The following ME1 variants were observed in gnomAD, a reference collection of about 807,000 sequenced individuals.
The protein encoded by ME1 is NADP-dependent malic enzyme.
ME1 carries 74 observed loss-of-function variants against 66.4 expected under a neutral mutation model. The ratio of observed to expected loss-of-function variants is 1.11; its 90% confidence interval spans 0.92 to 1.35. The LOEUF (loss-of-function observed/expected upper bound fraction) is 1.35. Ranked by LOEUF, ME1 falls within the 40% of genes most tolerant of loss-of-function variation. The pLI is 0.00. For synonymous variants in ME1, 251 were observed against 235.6 expected, an observed-to-expected ratio of 1.07 and a Z score of -0.60; for missense variants, 750 against 694.1, an observed-to-expected ratio of 1.08 and a Z score of -0.90.
chr6:83,332,486 C>T (rs546359144), intron 5 of ME1, among the ~76,000 whole-genome samples: 51 of 152,200 alleles, frequency 3.4e-4, no homozygotes, highest in Non-Finnish European at 5.0e-4. Flanking sequence ...TCCACAATTG[C>T]GAAGATATGA....
chr6:83,346,250 C>A lies in ME1; in HGVS notation c.523G>T (p.Ala175Ser). Reference protein sequence around the residue: ...NGMGIPVGKLALYTACGGMNP... With the variant: ...NGMGIPVGKLSLYTACGGMNP... ...ATCCCTCCGCAAGCTGTATATAGAG[C>A]CAATTTACCCACAGGGATGCCCATT... Residue 175 changes from alanine (A) to serine (S), a missense_variant, in exon 5 of 14, where the codon GCT (alanine) becomes TCT (serine). Ala to Ser is a moderately conservative substitution (Grantham distance 99, BLOSUM62 1). Coordinates refer to ENST00000369705, the MANE Select transcript of ME1 (RefSeq NM_002395.6). 6.2e-7 allele frequency: 1 copy of A among 1,613,446 alleles called. No individual in the cohort carries two copies. Among genetic ancestry groups the A allele is most frequent in the Non-Finnish European group, 8.5e-7 (1 of 1,179,564 alleles).
rs560881304 is a variant in ME1 at position 83,394,875 on chromosome 6, T to C, written c.362+3492A>G. Among the ~76,000 whole-genome samples, 12 of 152,310 alleles carry C rather than the reference T, an allele frequency of 7.9e-5. 1 individual carries two copies. In the South Asian group the frequency reaches 2.5e-3, roughly 32 times the overall value. ...GTAGTGCTAGAAAAATTGTGTTCTA[T>C]ATTTTATGCATCTCAAAGGTGACTA... is the stretch of plus-strand genomic sequence containing the variant. On this transcript the variant is annotated intron_variant, in intron 3 of 13. Coordinates refer to ENST00000369705, the MANE Select transcript of ME1 (RefSeq NM_002395.6).
chr6:83,430,394 C>G (rs1365227057), intron 1 of ME1, among the ~76,000 whole-genome samples: 1 of 152,154 alleles, frequency 6.6e-6, no homozygotes, highest in Non-Finnish European at 1.5e-5. Flanking sequence ...TGAAGGCACT[C>G]AGTACACGTT....
At chr6:83,271,276 C>A (rs1767077630) in intron 6 of ME1, among the ~76,000 whole-genome samples, 1 of 152,110 alleles carries the variant, frequency 6.6e-6, no homozygotes, top group Non-Finnish European at 1.5e-5. Flanking sequence ...AGTTAAATGA[C>A]AATTTACAGA....
chr6:83,268,762 TTG>T (rs1767034373), intron 6 of ME1, among the ~76,000 whole-genome samples: 2 of 150,374 alleles, frequency 1.3e-5, no homozygotes, highest in African/African-American at 4.9e-5. Context: ...ATTATTATTA[TTG>T]TATTTTTGGT....
chr6:83,346,148 T>C, intron 5 of ME1, 25 bp downstream of exon 5: 1 of 1,556,784 alleles, frequency 6.4e-7, no homozygotes, highest in Non-Finnish European at 8.7e-7. Flanking sequence ...GGTACATAGC[T>C]GCCTTATAGA....
intron 11 of ME1, 80 bp from the exon 12 acceptor site, chr6:83,224,013 A>C (rs1790141682): frequency 1.6e-6 from 2 of 1,234,332 alleles, no homozygotes; most frequent in East Asian, 4.9e-5. Context: ...GAACTACCCC[A>C]CAGCCTAAAT....
rs1422485045 is a variant in ME1 at position 83,211,861 on chromosome 6, C to T, written c.*63G>A. On this transcript the variant is annotated 3_prime_UTR_variant, in exon 14 of 14. Transcript: ENST00000369705. ...TATGAATCATTATAAAAGATTCCAA[C>T]CTTTAAAAATTATGAAAGGTTTAAA... 2 of 1,146,538 alleles carry T rather than the reference C, an allele frequency of 1.7e-6. No individual in the cohort carries two copies. Among genetic ancestry groups the T allele is most frequent in the South Asian group, 2.7e-5 (1 of 36,568 alleles). 71.0% of individuals were successfully genotyped at this position (1,146,538 alleles called of 1,614,324 possible). A position where few individuals can be genotyped will look rare whatever the true frequency, so the allele number is the denominator to read the frequency against.
chr6:83,274,618 A>G (rs1236097115), intron 6 of ME1, among the ~76,000 whole-genome samples: 1 of 152,238 alleles, frequency 6.6e-6, no homozygotes, highest in Non-Finnish European at 1.5e-5. Context: ...TTAAACTACC[A>G]CTAAGCATCA....
chr6:83,312,425 A>G (rs1767948944), intron 6 of ME1, among the ~76,000 whole-genome samples: 1 of 152,212 alleles, frequency 6.6e-6, no homozygotes, highest in Admixed American at 6.5e-5. Context: ...CACAAGACCC[A>G]TATCAAATCC....
chr6:83,382,735 C>T lies in ME1; in HGVS notation c.362+15632G>A, dbSNP rs532569238. On this transcript the variant is annotated intron_variant, in intron 3 of 13. Coordinates refer to ENST00000369705, the MANE Select transcript of ME1 (RefSeq NM_002395.6). ...TCCAAGGAGCTACATGATAAGAGTG[C>T]TGCTTCTCTGAGCAACTCAGAGTAG... is the stretch of plus-strand genomic sequence containing the variant. 1.2e-4 allele frequency among the ~76,000 whole-genome samples: 19 copies of T among 152,104 alleles called. No homozygotes were observed. The East Asian group carries it at 3.5e-3, about 28-fold the overall frequency.
chr6:83,361,267 T>G (rs1769002638), intron 3 of ME1, among the ~76,000 whole-genome samples: 1 of 152,242 alleles, frequency 6.6e-6, no homozygotes. Context: ...GTGTGGGGAC[T>G]GTCAAGATAT....
chr6:83,234,620 T>C (rs184655785), intron 9 of ME1, among the ~76,000 whole-genome samples: 1 of 152,334 alleles, frequency 6.6e-6, no homozygotes, highest in East Asian at 1.9e-4. Context: ...TGAATTAAGT[T>C]TCTTTCACTC....
intron 1 of ME1, among the ~76,000 whole-genome samples, chr6:83,420,823 A>G (rs1033604607): frequency 6.6e-6 from 1 of 152,232 alleles, no homozygotes; most frequent in African/African-American, 2.4e-5. Context: ...TCTATGATGC[A>G]AAACAGTATA....
At chr6:83,238,541 G>T (rs926352273) in intron 8 of ME1, among the ~76,000 whole-genome samples, 1 of 151,926 alleles carries the variant, frequency 6.6e-6, no homozygotes, top group African/African-American at 2.4e-5. Context: ...GTAATAATCC[G>T]CAAAATAGAG....
intron 3 of ME1, among the ~76,000 whole-genome samples, chr6:83,374,616 C>G (rs1036038006): frequency 1.3e-5 from 2 of 152,106 alleles, no homozygotes; most frequent in African/African-American, 4.8e-5. Flanking sequence ...TCCCATTTGT[C>G]AATTTTAGCA....
intron 6 of ME1, among the ~76,000 whole-genome samples, chr6:83,279,367 A>C (rs1767247860): frequency 6.6e-6 from 1 of 152,246 alleles, no homozygotes; most frequent in Non-Finnish European, 1.5e-5. Context: ...GATATAGTGG[A>C]AATTTTGGAA....
At position 83,298,931 on chromosome 6, in the gene ME1, GTTTTTTTTTTTTTTTTTTTTT is replaced by G. The variant is rs61055748; in HGVS notation, c.704+16358_704+16378del. ...TGCTGTTCCATTAGTCTATGTGTCT[GTTTTTTTTTTTTTTTTTTTTT>G]TTTTTTTTTTTTTTTTTTTACCAGT... is the stretch of plus-strand genomic sequence containing the variant. On this transcript the variant is annotated intron_variant, in intron 6 of 13. Coordinates refer to ENST00000369705, the MANE Select transcript of ME1 (RefSeq NM_002395.6). 1.2e-3 allele frequency among the ~76,000 whole-genome samples: 28 copies of G among 22,494 alleles called. 1 individual carries two copies. The highest frequency in any genetic ancestry group is 5.6e-3 in the South Asian group (2 of 360). 14.8% of individuals were successfully genotyped at this position (22,494 alleles called of 152,430 possible).
At position 83,385,950 on chromosome 6, in the gene ME1, A is replaced by G. The variant is rs58317937; in HGVS notation, c.362+12417T>C. On this transcript the variant is annotated intron_variant, in intron 3 of 13. Transcript: ENST00000369705. Reference sequence around the variant, plus strand: ...AATAAAAATCCACTTTTAATAAATAATTATCTTTAACTACAAAATCAACTG... The same window carrying G: ...AATAAAAATCCACTTTTAATAAATAGTTATCTTTAACTACAAAATCAACTG... 1.2e-4 allele frequency among the ~76,000 whole-genome samples: 19 copies of G among 152,040 alleles called. No homozygotes were observed. In the East Asian group the frequency reaches 3.7e-3, roughly 29 times the overall value.
Sources: gnomAD v4.1 joint callset for allele counts (sites outside exome capture counted in the v4.1 genomes callset) on GRCh38, gnomAD v4.1.1 for gene constraint, MANE v1.5 for transcripts, NCBI Gene and HGNC (gene_info 2026-07-23, HGNC 2026-07-21) for gene names.